PRKCI: variants seen among roughly 807,000 people sequenced by gnomAD.
PRKCI encodes the protein protein kinase C iota type.
PRKCI carries 43 observed loss-of-function variants against 84.0 expected under a neutral mutation model. The observed-to-expected ratio is 0.51, with a 90% CI of 0.40 to 0.66. The LOEUF (loss-of-function observed/expected upper bound fraction) is 0.66, where lower values mean the gene tolerates loss of function less well. PRKCI is among the 30% of genes least tolerant of loss of function. The pLI is 0.00. For synonymous variants in PRKCI, 216 were observed against 234.4 expected, an observed-to-expected ratio of 0.92 and a Z score of 0.72; for missense variants, 459 against 745.6, an observed-to-expected ratio of 0.62 and a Z score of 4.48.
At position 170,260,969 on chromosome 3, in the gene PRKCI, T is replaced by G. The variant is rs567743842; in HGVS notation, c.313+911T>G. Among the ~76,000 whole-genome samples the G allele has an allele frequency of 2.6e-5, 4 of 152,198 alleles. No individual in the cohort carries two copies. The East Asian group carries it at 7.7e-4, about 29-fold the overall frequency. On this transcript the variant is annotated intron_variant, in intron 3 of 17. Transcript: ENST00000295797. ...TGTAAAACTTTTTTTTTGTTTGTTT[T>G]TTTGAGGCAGTTTCTCTCGCTCTGT...
At chr3:170,288,072 C>T (rs11711417) in intron 12 of PRKCI, among the ~76,000 whole-genome samples, 1,557 of 151,626 alleles carry the variant, frequency 0.01, 15 homozygotes, top group Non-Finnish European at 0.016. Context: ...GGTGAAACCC[C>T]GTCTCTACTA....
chr3:170,234,177 A>G (rs1732882486), intron 1 of PRKCI, among the ~76,000 whole-genome samples: 1 of 151,472 alleles, frequency 6.6e-6, no homozygotes, highest in Non-Finnish European at 1.5e-5. Context: ...GATTACAGGC[A>G]TGTGCCACCA....
In PRKCI at chr3:170,236,585, A is replaced by G. The variant is rs146254883; in HGVS notation, c.223+1234A>G. ...GACTTGTACTCAGAAAACATTTATC[A>G]TATATGTAGGCTTACGCCTGTAATC... On this transcript the variant is annotated intron_variant, in intron 2 of 17. Coordinates refer to ENST00000295797, the MANE Select transcript of PRKCI (RefSeq NM_002740.6). Among the ~76,000 whole-genome samples, 48 of 152,258 alleles carry G rather than the reference A, an allele frequency of 3.2e-4. 1 individual carries two copies. The highest frequency in any genetic ancestry group is 1.0e-3 in the African/African-American group (42 of 41,556).
At chr3:170,226,059 C>T (rs1732620655) in intron 1 of PRKCI, among the ~76,000 whole-genome samples, 1 of 151,856 alleles carries the variant, frequency 6.6e-6, no homozygotes, top group African/African-American at 2.4e-5. Flanking sequence ...ACTACAGGCG[C>T]CCACCACCAC....
intron 8 of PRKCI, among the ~76,000 whole-genome samples, chr3:170,277,634 CAGTGAGCAGAG>C (rs1228314616): frequency 1.3e-5 from 2 of 149,052 alleles, no homozygotes; most frequent in Non-Finnish European, 3.0e-5. Context: ...GCGGAGCTTG[CAGTGAGCAGAG>C]ACTGTACCAG....
intron 15 of PRKCI, 29 bp downstream of exon 15, chr3:170,296,019 G>T: frequency 7.5e-7 from 1 of 1,340,168 alleles, no homozygotes; most frequent in South Asian, 1.6e-5. Flanking sequence ...AATATTTTGT[G>T]ATTTGTCTCT....
chr3:170,289,397 G>C (rs896928425), intron 12 of PRKCI, among the ~76,000 whole-genome samples: 3 of 152,158 alleles, frequency 2.0e-5, no homozygotes, highest in African/African-American at 7.2e-5. Context: ...AGAAAAATAT[G>C]TTCACCATGC....
At chr3:170,277,574 G>A (rs911451996) in intron 8 of PRKCI, among the ~76,000 whole-genome samples, 37 of 151,846 alleles carry the variant, frequency 2.4e-4, no homozygotes, top group African/African-American at 8.2e-4. Context: ...GGCGCCTGTA[G>A]TCCCAGCTGC....
intron 2 of PRKCI, among the ~76,000 whole-genome samples, chr3:170,238,446 T>G (rs1733036811): frequency 6.8e-6 from 1 of 147,514 alleles, no homozygotes; most frequent in Admixed American, 6.9e-5. Flanking sequence ...TCAGTGTACT[T>G]CAATTTGCAT....
intron 5 of PRKCI, among the ~76,000 whole-genome samples, chr3:170,269,967 A>AG (rs1410502309): frequency 2.6e-5 from 4 of 152,070 alleles, no homozygotes; most frequent in African/African-American, 9.6e-5. Flanking sequence ...TCAAAAAAAA[A>AG]AAAGAAAGAA....
chr3:170,289,281 A>G (rs1734477209), intron 12 of PRKCI, among the ~76,000 whole-genome samples: 1 of 152,166 alleles, frequency 6.6e-6, no homozygotes, highest in Non-Finnish European at 1.5e-5. Context: ...ATAGCATATA[A>G]TATCCCTTTT....
At chr3:170,272,792 T>C (rs1168828379) in intron 6 of PRKCI, among the ~76,000 whole-genome samples, 3 of 152,210 alleles carry the variant, frequency 2.0e-5, no homozygotes, top group Non-Finnish European at 4.4e-5. Context: ...TTTGGGTAAG[T>C]TGGATTCTAG....
chr3:170,244,961 A>T (rs1328533606), intron 2 of PRKCI: 1 of 152,234 alleles, frequency 6.6e-6, no homozygotes, highest in South Asian at 2.1e-4. Context: ...GGAAGAATGA[A>T]TGGATCAGGG....
At chr3:170,248,068 G>C (rs1030845249) in intron 2 of PRKCI, among the ~76,000 whole-genome samples, 2 of 152,176 alleles carry the variant, frequency 1.3e-5, no homozygotes, top group Non-Finnish European at 2.9e-5. Context: ...GAGTCTGTGA[G>C]TCTGTGGCTA....
chr3:170,240,384 T>C (rs1459282359), intron 2 of PRKCI, among the ~76,000 whole-genome samples: 1 of 152,202 alleles, frequency 6.6e-6, no homozygotes, highest in Non-Finnish European at 1.5e-5. Context: ...ATTTCATACT[T>C]CTTTCTCCCT....
chr3:170,241,190 G>A (rs1733121995), intron 2 of PRKCI, among the ~76,000 whole-genome samples: 1 of 152,126 alleles, frequency 6.6e-6, no homozygotes, highest in South Asian at 2.1e-4. Context: ...TCTTTGTGGT[G>A]AGGACATTTA....
intron 14 of PRKCI, 39 bp from the exon 15 acceptor site, chr3:170,295,872 T>TAAA: frequency 8.0e-7 from 1 of 1,253,552 alleles, no homozygotes; most frequent in Middle Eastern, 2.7e-4. Flanking sequence ...TAAAGCCATG[T>TAAA]AAAAGTTAAA....
chr3:170,257,678 T>TTTG (rs2108847342), intron 2 of PRKCI, among the ~76,000 whole-genome samples: 1 of 151,698 alleles, frequency 6.6e-6, no homozygotes, highest in South Asian at 2.1e-4. Context: ...TTTTTTTTTT[T>TTTG]TTTGAGACAA....
At chr3:170,269,207 G>C (rs1733941281) in intron 5 of PRKCI, among the ~76,000 whole-genome samples, 2 of 152,152 alleles carry the variant, frequency 1.3e-5, no homozygotes, top group African/African-American at 4.8e-5. Context: ...GAGCCACCAT[G>C]CCTGGCCAGA....
Sources: allele counts gnomAD v4.1 joint callset (sites outside exome capture counted in the v4.1 genomes callset), GRCh38; gene constraint gnomAD v4.1.1; transcripts MANE v1.5; gene names NCBI Gene and HGNC (gene_info 2026-07-23, HGNC 2026-07-21).